The following KIAA1671 variants were observed in gnomAD, a reference collection of about 807,000 sequenced individuals.
The protein encoded by KIAA1671 is uncharacterized protein KIAA1671.
Under a neutral mutation model 131.2 loss-of-function variants are expected in KIAA1671, and 52 were observed. The observed-to-expected ratio is 0.40, with a 90% confidence interval of 0.32 to 0.50. The LOEUF (loss-of-function observed/expected upper bound fraction) is 0.50, where lower values mean the gene tolerates loss of function less well. Ranked by LOEUF, KIAA1671 falls within the 20% of genes least tolerant of loss-of-function variation. The pLI, the probability that KIAA1671 is intolerant of heterozygous loss-of-function variation, is 0.73. For synonymous variants in KIAA1671, 1,003 were observed against 961.6 expected, an observed-to-expected ratio of 1.04 and a Z score of -0.80; for missense variants, 2,360 against 2,364.2, an observed-to-expected ratio of 1.00 and a Z score of 0.04.
At chr22:25,140,381 CT>C (rs937854977) in intron 6 of KIAA1671, among the ~76,000 whole-genome samples, 194 of 146,500 alleles carry the variant, frequency 1.3e-3, no homozygotes, top group Admixed American at 1.2e-3. Context: ...TTTTTTTTTC[CT>C]TTTTTTTTTT....
At chr22:25,021,564 G>T (rs1314057358) in intron 1 of KIAA1671, among the ~76,000 whole-genome samples, 1 of 149,950 alleles carries the variant, frequency 6.7e-6, no homozygotes, top group Non-Finnish European at 1.5e-5. Context: ...TGTCCCTAGC[G>T]CCTGGCCCAG....
At chr22:25,068,168 C>T (rs1040664884) in intron 6 of KIAA1671, among the ~76,000 whole-genome samples, 7 of 149,270 alleles carry the variant, frequency 4.7e-5, no homozygotes, top group Non-Finnish European at 7.4e-5. Context: ...GCCGGCCTTC[C>T]GACTGTGCCG....
At chr22:25,187,107 C>G (rs1934499327) in intron 11 of KIAA1671, among the ~76,000 whole-genome samples, 1 of 152,182 alleles carries the variant, frequency 6.6e-6, no homozygotes, top group African/African-American at 2.4e-5. Flanking sequence ...GTCACCTAAT[C>G]TCTCACCCCC....
chr22:25,020,056 T>C (rs5752043), intron 1 of KIAA1671, among the ~76,000 whole-genome samples: 105,611 of 152,060 alleles, frequency 0.69, 36,873 homozygotes, highest in East Asian at 0.84. Context: ...TTCCAGAGGA[T>C]ACATTTTTAA....
chr22:25,008,458 T>C lies in KIAA1671; in HGVS notation c.-207-17175T>C, dbSNP rs181016262. On this transcript the variant is annotated intron_variant, in intron 1 of 12. Transcript: ENST00000358431. ...GGGTCGTTGAGGGTATTAACAGACA[T>C]GCATGTAGAGCCTTTGGCATGTCAC... Among the ~76,000 whole-genome samples, 12 of 152,138 alleles carry C rather than the reference T, an allele frequency of 7.9e-5. No individual in the cohort carries two copies. In the East Asian group the frequency reaches 2.3e-3, roughly 30 times the overall value.
chr22:25,170,209 G>T (rs932028186), intron 6 of KIAA1671, among the ~76,000 whole-genome samples: 1 of 152,072 alleles, frequency 6.6e-6, no homozygotes, highest in Admixed American at 6.5e-5. Flanking sequence ...CACCATGCCC[G>T]GCCGTAATTT....
intron 6 of KIAA1671, chr22:25,057,050 T>C (rs1927879144): frequency 2.0e-5 from 3 of 152,230 alleles, no homozygotes; most frequent in African/African-American, 7.2e-5. Context: ...CTGGCACTTT[T>C]CCCCTAAGTG....
At chr22:25,143,925 C>A (rs1932840226) in intron 6 of KIAA1671, among the ~76,000 whole-genome samples, 1 of 151,922 alleles carries the variant, frequency 6.6e-6, no homozygotes, top group Non-Finnish European at 1.5e-5. Flanking sequence ...AATCCCAGCA[C>A]TTTGGGAAGC....
At chr22:25,139,771 A>T (rs1253579313) in intron 6 of KIAA1671, among the ~76,000 whole-genome samples, 1 of 152,192 alleles carries the variant, frequency 6.6e-6, no homozygotes, top group Non-Finnish European at 1.5e-5. Flanking sequence ...CTCTTTGAGG[A>T]GGGAACATAG....
At chr22:25,084,149 C>A (rs1481559279) in intron 6 of KIAA1671, among the ~76,000 whole-genome samples, 1 of 152,214 alleles carries the variant, frequency 6.6e-6, no homozygotes, top group African/African-American at 2.4e-5. Context: ...GGCTGCAGAG[C>A]CCCCTCTGTG....
chr22:25,008,244 C>T (rs1602063777), intron 1 of KIAA1671, among the ~76,000 whole-genome samples: 1 of 145,758 alleles, frequency 6.9e-6, no homozygotes, highest in South Asian at 2.2e-4. Flanking sequence ...TGCTGTCTAA[C>T]ACCATTGGCT....
intron 6 of KIAA1671, among the ~76,000 whole-genome samples, chr22:25,129,561 C>T (rs893335786): frequency 6.7e-6 from 1 of 149,968 alleles, no homozygotes; most frequent in Non-Finnish European, 1.5e-5. Context: ...GTTTGAATCA[C>T]AGCTTTTCCC....
intron 5 of KIAA1671, among the ~76,000 whole-genome samples, chr22:25,048,407 G>GTGGCCTCT (rs2145818690): frequency 6.6e-6 from 1 of 152,294 alleles, no homozygotes; most frequent in African/African-American, 2.4e-5. Flanking sequence ...TGGGGACACT[G>GTGGCCTCT]ATCAAAAAGA....
chr22:25,148,229 A>T (rs193183586), intron 6 of KIAA1671, among the ~76,000 whole-genome samples: 1 of 141,808 alleles, frequency 7.1e-6, no homozygotes, highest in Non-Finnish European at 1.5e-5. Context: ...GCCCTTTCTC[A>T]GTCCTGGCAC....
At chr22:25,007,121 G>A (rs1416350589) in intron 1 of KIAA1671, among the ~76,000 whole-genome samples, 1 of 152,130 alleles carries the variant, frequency 6.6e-6, no homozygotes, top group Non-Finnish European at 1.5e-5. Flanking sequence ...GGACAAGGAT[G>A]TTCTGCCCCC....
In KIAA1671 at chr22:24,965,351, G is replaced by A. The variant is rs545481024; in HGVS notation, c.-208+12579G>A. Among the ~76,000 whole-genome samples the A allele has an allele frequency of 1.5e-4, 23 of 151,786 alleles. No individual in the cohort carries two copies. The South Asian group carries it at 4.8e-3, about 32-fold the overall frequency. On this transcript the variant is annotated intron_variant, in intron 1 of 12. Coordinates refer to ENST00000358431, the MANE Select transcript of KIAA1671 (RefSeq NM_001145206.2). ...AATCGCTTGAACCCGGGAGGCTGAG[G>A]TTGCAGTGAACTGAGATCACGCCAG...
chr22:25,056,811 C>CAA (rs3063214), intron 6 of KIAA1671: 17,587 of 57,538 alleles, frequency 0.31, 2,550 homozygotes, highest in Non-Finnish European at 0.38. Context: ...GACTCTGTCT[C>CAA]AAAAAAAAAA....
intron 1 of KIAA1671, among the ~76,000 whole-genome samples, chr22:25,015,908 G>A (rs928232303): frequency 5.9e-5 from 9 of 152,200 alleles, no homozygotes; most frequent in South Asian, 2.1e-4. Context: ...TACACACTCC[G>A]TACGAAAATG....
intron 6 of KIAA1671, chr22:25,061,434 C>A: frequency 6.6e-6 from 1 of 152,332 alleles, no homozygotes; most frequent in Non-Finnish European, 1.5e-5. Flanking sequence ...CTCTTACAGA[C>A]CGTGAGCCCC....
Sources: gnomAD v4.1 joint callset for allele counts (sites outside exome capture counted in the v4.1 genomes callset) on GRCh38, gnomAD v4.1.1 for gene constraint, MANE v1.5 for transcripts, NCBI Gene and HGNC (gene_info 2026-07-23, HGNC 2026-07-21) for gene names.